PTPRM: variants seen among roughly 807,000 people sequenced by gnomAD.
The protein encoded by PTPRM is receptor-type tyrosine-protein phosphatase mu.
In PTPRM, 47 loss-of-function variants were observed where a neutral mutation model predicts 186.7. The observed-to-expected ratio is 0.25, with a 90% CI of 0.20 to 0.32. PTPRM has a LOEUF of 0.32. PTPRM is among the 10% of genes least tolerant of loss of function. PTPRM has a pLI of 1.00. For missense variants in PTPRM, 1,494 were observed against 1,865.0 expected, an observed-to-expected ratio of 0.80 and a Z score of 3.66; for synonymous variants, 668 against 674.9, an observed-to-expected ratio of 0.99 and a Z score of 0.16.
intron 23 of PTPRM, among the ~76,000 whole-genome samples, chr18:8,369,045 C>CA (rs1157353694): frequency 3.3e-5 from 5 of 151,892 alleles, no homozygotes; most frequent in African/African-American, 7.3e-5. Context: ...TTAAAGAATG[C>CA]AAAAAATCTT....
At chr18:7,670,571 A>C (rs1021416503) in intron 1 of PTPRM, among the ~76,000 whole-genome samples, 3 of 152,228 alleles carry the variant, frequency 2.0e-5, no homozygotes, top group African/African-American at 7.2e-5. Context: ...TTAAAGGTAT[A>C]TCCAGTAGAA....
chr18:7,717,865 G>A (rs528699639), intron 1 of PTPRM, among the ~76,000 whole-genome samples: 5 of 152,266 alleles, frequency 3.3e-5, no homozygotes, highest in African/African-American at 9.6e-5. Flanking sequence ...GTTTGATCCC[G>A]CTGTCACTGA....
intron 1 of PTPRM, among the ~76,000 whole-genome samples, chr18:7,651,566 G>T (rs1357187674): frequency 6.6e-6 from 1 of 151,900 alleles, no homozygotes; most frequent in African/African-American, 2.4e-5. Context: ...ATAGATCAAT[G>T]GAACAGAACA....
chr18:8,006,820 C>G (rs899850152), intron 7 of PTPRM, among the ~76,000 whole-genome samples: 3 of 152,212 alleles, frequency 2.0e-5, no homozygotes, highest in Non-Finnish European at 4.4e-5. Context: ...CTTGTTGCAT[C>G]TAAGTGTGGG....
chr18:7,831,190 C>G (rs1320924778), intron 2 of PTPRM, among the ~76,000 whole-genome samples: 2 of 152,046 alleles, frequency 1.3e-5, no homozygotes, highest in Non-Finnish European at 2.9e-5. Flanking sequence ...CAGTTCTTAA[C>G]TAGGAGCAAT....
chr18:7,636,648 C>T (rs186074630), intron 1 of PTPRM, among the ~76,000 whole-genome samples: 164 of 152,144 alleles, frequency 1.1e-3, no homozygotes, highest in Admixed American at 7.8e-3. Flanking sequence ...AGAGGAGGCG[C>T]GTGCTACACA....
intron 7 of PTPRM, among the ~76,000 whole-genome samples, chr18:7,995,099 CA>C (rs1187372995): frequency 1.3e-5 from 2 of 151,034 alleles, no homozygotes; most frequent in Non-Finnish European, 1.5e-5. Context: ...AGAAAAGACC[CA>C]AAAAAAATTA....
chr18:8,184,818 G>A (rs1478096814), intron 14 of PTPRM, among the ~76,000 whole-genome samples: 1 of 152,126 alleles, frequency 6.6e-6, no homozygotes. Context: ...TACCACATGA[G>A]TGTTAGTAAA....
chr18:7,912,260 T>C (rs1011879598), intron 4 of PTPRM, among the ~76,000 whole-genome samples: 1 of 152,188 alleles, frequency 6.6e-6, no homozygotes, highest in Non-Finnish European at 1.5e-5. Context: ...TATGCAGTTA[T>C]TCCAGCACCA....
intron 13 of PTPRM, among the ~76,000 whole-genome samples, chr18:8,139,486 G>A (rs1317949681): frequency 6.6e-6 from 1 of 152,178 alleles, no homozygotes; most frequent in East Asian, 1.9e-4. Flanking sequence ...GGATAGTGTT[G>A]TTGAATATAA....
intron 11 of PTPRM, among the ~76,000 whole-genome samples, chr18:8,113,195 A>G (rs1427961286): frequency 6.6e-6 from 1 of 152,240 alleles, no homozygotes; most frequent in Non-Finnish European, 1.5e-5. Flanking sequence ...ACTTCTGCTC[A>G]CATAAACAGT....
chr18:7,767,703 T>C (rs529532245), intron 1 of PTPRM, among the ~76,000 whole-genome samples: 1 of 152,166 alleles, frequency 6.6e-6, no homozygotes, highest in Non-Finnish European at 1.5e-5. Flanking sequence ...TGCTGTCTAA[T>C]AATTGCCAGG....
In PTPRM at chr18:7,567,763, G is replaced by C. The variant is rs1325454187; in HGVS notation, c.-56G>C. 1 of 1,458,738 alleles carries C rather than the reference G, an allele frequency of 6.9e-7. No individual in the cohort carries two copies. Among genetic ancestry groups the C allele is most frequent in the Non-Finnish European group, 9.1e-7 (1 of 1,098,104 alleles). The allele number at this position is 1,458,738 out of a possible 1,614,324, so 90.4% of individuals were successfully genotyped here. A position where few individuals can be genotyped will look rare whatever the true frequency, so the allele number is the denominator to read the frequency against. ...GGAACCAAAGCTCCCGGCCCCCTCCGCCCTCGCGCGCCCACCCACCGCCGC... is the reference window on the plus strand; with the variant it reads ...GGAACCAAAGCTCCCGGCCCCCTCCCCCCTCGCGCGCCCACCCACCGCCGC... On this transcript the variant is annotated 5_prime_UTR_variant, in exon 1 of 33. Coordinates refer to ENST00000580170, the MANE Select transcript of PTPRM (RefSeq NM_001105244.2). This position sits in a 1 kb window ranked among gnomAD's most constrained non-coding sequence, Gnocchi z 4.3.
intron 14 of PTPRM, among the ~76,000 whole-genome samples, chr18:8,190,809 G>T (rs28607222): frequency 6.6e-6 from 1 of 152,054 alleles, no homozygotes; most frequent in Non-Finnish European, 1.5e-5. Flanking sequence ...AATATATGTG[G>T]GGAAATACAA....
chr18:7,639,496 C>T (rs901158661), intron 1 of PTPRM, among the ~76,000 whole-genome samples: 9 of 151,710 alleles, frequency 5.9e-5, no homozygotes, highest in African/African-American at 2.2e-4. Context: ...AAGTGATTCT[C>T]CTGCCTCAGC....
At chr18:7,904,072 AATG>A (rs779876030) in intron 3 of PTPRM, among the ~76,000 whole-genome samples, 87 of 152,334 alleles carry the variant, frequency 5.7e-4, no homozygotes, top group Non-Finnish European at 9.3e-4. Context: ...GAGATAATGG[AATG>A]ATATCTTCCT....
intron 7 of PTPRM, among the ~76,000 whole-genome samples, chr18:8,011,519 T>C (rs2084525865): frequency 6.6e-6 from 1 of 152,252 alleles, no homozygotes; most frequent in Admixed American, 6.5e-5. Context: ...TTTTTACTTC[T>C]GATACTTATT....
intron 1 of PTPRM, among the ~76,000 whole-genome samples, chr18:7,671,733 G>A (rs1417188178): frequency 6.6e-6 from 1 of 152,086 alleles, no homozygotes; most frequent in Non-Finnish European, 1.5e-5. Flanking sequence ...TTGCCAGGTG[G>A]GGGCAGAGAA....
At chr18:8,288,949 G>A (rs961094390) in intron 19 of PTPRM, among the ~76,000 whole-genome samples, 5 of 152,158 alleles carry the variant, frequency 3.3e-5, no homozygotes, top group African/African-American at 1.2e-4. Context: ...TCCATAAAAC[G>A]TGGTAACCAG....
Sources: allele counts gnomAD v4.1 joint callset (sites outside exome capture counted in the v4.1 genomes callset), GRCh38; gene constraint gnomAD v4.1.1; non-coding constraint Gnocchi (gnomAD v3.1); transcripts MANE v1.5; gene names NCBI Gene and HGNC (gene_info 2026-07-23, HGNC 2026-07-21).